The following FOXK1 variants were observed in gnomAD, a reference collection of about 807,000 sequenced individuals.
The protein encoded by FOXK1 is forkhead box K1, also known as forkhead box protein K1.
FOXK1 carries 19 observed loss-of-function variants against 51.9 expected under a neutral mutation model. The observed-to-expected ratio is 0.37, with a 90% CI of 0.26 to 0.54. FOXK1 has a LOEUF of 0.54. FOXK1 is among the 20% of genes least tolerant of loss of function. The pLI is 0.87. For synonymous variants in FOXK1, 537 were observed against 482.6 expected, an observed-to-expected ratio of 1.11 and a Z score of -1.48; for missense variants, 870 against 1,032.7, an observed-to-expected ratio of 0.84 and a Z score of 2.16.
Position 4,761,348 on chromosome 7 carries a change from G to T in FOXK1, c.1921+60G>T. ...CAAGCTCTGTGGCTCCCAGTAGTCA[G>T]TGCGGCATGAGAATGTTCTCCCAGT... On this transcript the variant is annotated intron_variant, in intron 8 of 8. Coordinates refer to ENST00000328914, the MANE Select transcript of FOXK1 (RefSeq NM_001037165.2). This position sits in a 1 kb window ranked among gnomAD's most constrained non-coding sequence, Gnocchi z 6.2. 1 of 1,499,842 alleles carries T rather than the reference G, an allele frequency of 6.7e-7. No individual in the cohort carries two copies. The highest frequency in any genetic ancestry group is 9.1e-7 in the Non-Finnish European group (1 of 1,099,840). The allele number at this position is 1,499,842 out of a possible 1,614,324, so 92.9% of individuals were successfully genotyped here. A position where few individuals can be genotyped will look rare whatever the true frequency, so the allele number is the denominator to read the frequency against.
rs1285738599 is a variant in FOXK1, at chr7:4,762,684, AT to A, written c.*222del. On this transcript the variant is annotated 3_prime_UTR_variant, in exon 9 of 9. Coordinates refer to ENST00000328914, the MANE Select transcript of FOXK1 (RefSeq NM_001037165.2). The surrounding 1 kb of genome is among the most constrained non-coding windows in gnomAD (Gnocchi z 5.7). The stretch of plus-strand genomic sequence containing the variant: ...ACAAGTTCAGACAACTGATTGTATG[AT>A]TCTGGGAATTCTTTGCTTTCCTTTC... 2.7e-5 allele frequency: 15 copies of A among 565,368 alleles called. No individual in the cohort carries two copies. The highest frequency in any genetic ancestry group is 4.7e-5 in the Non-Finnish European group (15 of 317,260). 35.0% of individuals were successfully genotyped at this position (565,368 alleles called of 1,614,324 possible). A position where few individuals can be genotyped will look rare whatever the true frequency, so the allele number is the denominator to read the frequency against.
intron 1 of FOXK1, among the ~76,000 whole-genome samples, chr7:4,719,445 G>C (rs1780281117): frequency 6.6e-6 from 1 of 151,396 alleles, no homozygotes; most frequent in Admixed American, 6.6e-5. Flanking sequence ...TAGGGAGTAG[G>C]TAGCTGTCTT....
Position 4,762,297 on chromosome 7 carries a change from A to G in FOXK1, c.2035A>G (p.Thr679Ala). 1 of 1,550,242 alleles carries G rather than the reference A, an allele frequency of 6.5e-7. No homozygotes were observed. The highest frequency in any genetic ancestry group is 8.7e-7 in the Non-Finnish European group (1 of 1,146,782). ...GGAGCCAGCAGCAGCCGTCGCGGCC[A>G]CGGCCACCACCACCCCAGCCACTGC... is the stretch of plus-strand genomic sequence containing the variant. ...PKEPAAAVAA[T>A]ATTTPATATT... is the part of the protein sequence containing the mutation. Residue 679 changes from threonine (T) to alanine (A), a missense_variant, in exon 9 of 9, where the codon ACG (threonine) becomes GCG (alanine). Thr to Ala is a moderately conservative substitution (Grantham distance 58, BLOSUM62 0). This residue lies in a region of FOXK1 where 457 missense variants were observed against 510.8 expected (regional missense o/e 0.89). Coordinates refer to ENST00000328914, the MANE Select transcript of FOXK1 (RefSeq NM_001037165.2). This position sits in a 1 kb window ranked among gnomAD's most constrained non-coding sequence, Gnocchi z 5.7.
rs931931012 is a variant in FOXK1 at position 4,758,158 on chromosome 7, T to C, written c.1245-893T>C. 5.9e-5 allele frequency: 9 copies of C among 152,242 alleles called. No individual in the cohort carries two copies. Among genetic ancestry groups the C allele is most frequent in the African/African-American group, 2.2e-4 (9 of 41,452 alleles). The allele number at this position is 152,242 out of a possible 1,614,324, so 9.4% of individuals were successfully genotyped here. A position where few individuals can be genotyped will look rare whatever the true frequency, so the allele number is the denominator to read the frequency against. ...AGAGCCCAATCTTCGAAGGGACAGA[T>C]GAGGGGTATGACCTGGGGAGCCCAC... On this transcript the variant is annotated intron_variant, in intron 5 of 8. Coordinates refer to ENST00000328914, the MANE Select transcript of FOXK1 (RefSeq NM_001037165.2). This position sits in a 1 kb window ranked among gnomAD's most constrained non-coding sequence, Gnocchi z 4.4.
At position 4,762,521 on chromosome 7, in the gene FOXK1, C is replaced by T. The variant is rs546492376; in HGVS notation, c.*57C>T. The T allele has an allele frequency of 1.5e-4, 225 of 1,487,350 alleles. No homozygotes were observed. In the African/African-American group the frequency reaches 2.7e-3, roughly 18 times the overall value. The allele number at this position is 1,487,350 out of a possible 1,614,324, so 92.1% of individuals were successfully genotyped here. A position where few individuals can be genotyped will look rare whatever the true frequency, so the allele number is the denominator to read the frequency against. ...CCCAGCGGCGACCCCGAAGCTGGAC[C>T]CGGCAGCTCAGGCGGCCGCACCCAC... On this transcript the variant is annotated 3_prime_UTR_variant, in exon 9 of 9. Coordinates refer to ENST00000328914, the MANE Select transcript of FOXK1 (RefSeq NM_001037165.2). The surrounding 1 kb of genome is among the most constrained non-coding windows in gnomAD (Gnocchi z 5.7).
At chr7:4,692,623 A>G (rs113418869) in intron 1 of FOXK1, among the ~76,000 whole-genome samples, 8,154 of 152,122 alleles carry the variant, frequency 0.054, 720 homozygotes, top group African/African-American at 0.18. Context: ...TCGAACTCCT[A>G]ACCTCAGGTC....
chr7:4,756,168 G>A lies in FOXK1; in HGVS notation c.1050+785G>A, dbSNP rs574106026. Among the ~76,000 whole-genome samples, 79 of 152,280 alleles carry A rather than the reference G, an allele frequency of 5.2e-4. No homozygotes were observed. The highest frequency in any genetic ancestry group is 1.8e-3 in the African/African-American group (76 of 41,564). ...CTCGCTCTGCCATCCCGGCTGGAGTGTGGTGGCGCGATCTCAGCTCACTGC... is the reference window on the plus strand; with the variant it reads ...CTCGCTCTGCCATCCCGGCTGGAGTATGGTGGCGCGATCTCAGCTCACTGC... On this transcript the variant is annotated intron_variant, in intron 4 of 8. Transcript: ENST00000328914. This position sits in a 1 kb window ranked among gnomAD's most constrained non-coding sequence, Gnocchi z 4.1.
At chr7:4,716,307 C>G (rs1298844193) in intron 1 of FOXK1, among the ~76,000 whole-genome samples, 1 of 151,764 alleles carries the variant, frequency 6.6e-6, no homozygotes, top group Non-Finnish European at 1.5e-5. Context: ...CAAGACCAGC[C>G]TGGGTAACAT....
In FOXK1 at chr7:4,736,420, T is replaced by TG. The variant is rs375696044; in HGVS notation, c.561-4418_561-4417insG. On this transcript the variant is annotated intron_variant, in intron 1 of 8. Coordinates refer to ENST00000328914, the MANE Select transcript of FOXK1 (RefSeq NM_001037165.2). ...ATCATCTAGAATCAGTTTTGTTTTT[T>TG]TTTTTTTTTTAAGACAGAGTTTTGC... Among the ~76,000 whole-genome samples the TG allele has an allele frequency of 2.9e-3, 447 of 152,050 alleles. 3 individuals are homozygous for TG. Among genetic ancestry groups the TG allele is most frequent in the African/African-American group, 0.01 (432 of 41,500 alleles).
chr7:4,752,265 C>A (rs140221989), intron 2 of FOXK1, among the ~76,000 whole-genome samples: 8,310 of 152,310 alleles, frequency 0.055, 694 homozygotes, highest in African/African-American at 0.18. Flanking sequence ...CTGCCTCAGC[C>A]TCCTGAGTAG....
Position 4,755,251 on chromosome 7 carries a change from G to A in FOXK1, c.918G>A (p.Pro306=), listed in dbSNP as rs769739198. ...GGDSPKDESK[P]PFSYAQLIVQ... is the part of the protein sequence containing the mutation. ...TTTCTCCGCAGGATGAGTCAAAGCC[G>A]CCGTTCTCCTACGCGCAGCTGATCG... is the stretch of plus-strand genomic sequence containing the variant. The change falls in exon 4 of 9, where the codon CCG becomes CCA. Residue 306 remains proline, a synonymous_variant. Coordinates refer to ENST00000328914, the MANE Select transcript of FOXK1 (RefSeq NM_001037165.2). This position sits in a 1 kb window ranked among gnomAD's most constrained non-coding sequence, Gnocchi z 6.6. 43 of 1,613,790 alleles carry A rather than the reference G, an allele frequency of 2.7e-5. No individual in the cohort carries two copies. The highest frequency in any genetic ancestry group is 1.6e-4 in the African/African-American group (12 of 74,916).
chr7:4,714,604 G>A (rs1780211977), intron 1 of FOXK1, among the ~76,000 whole-genome samples: 1 of 152,216 alleles, frequency 6.6e-6, no homozygotes, highest in Non-Finnish European at 1.5e-5. Context: ...AAAAGTTTAG[G>A]TTTAAAGACA....
At chr7:4,704,614 C>T (rs574619068) in intron 1 of FOXK1, among the ~76,000 whole-genome samples, 26 of 152,044 alleles carry the variant, frequency 1.7e-4, no homozygotes, top group Non-Finnish European at 3.1e-4. Flanking sequence ...CTGGGATCCA[C>T]GCAGCACGCA....
chr7:4,719,893 G>T (rs191048052), intron 1 of FOXK1, among the ~76,000 whole-genome samples: 8 of 152,230 alleles, frequency 5.3e-5, no homozygotes, highest in African/African-American at 1.9e-4. Context: ...TTTTTATACT[G>T]AATTTTGAGT....
intron 2 of FOXK1, among the ~76,000 whole-genome samples, chr7:4,742,971 C>A (rs1432341245): frequency 6.6e-6 from 1 of 152,142 alleles, no homozygotes; most frequent in Non-Finnish European, 1.5e-5. Flanking sequence ...AAGGAGAGGC[C>A]CCGGGCTCAG....
intron 2 of FOXK1, among the ~76,000 whole-genome samples, chr7:4,746,150 C>T (rs1780699652): frequency 6.6e-6 from 1 of 152,172 alleles, no homozygotes; most frequent in Non-Finnish European, 1.5e-5. Flanking sequence ...GTAACTCGTA[C>T]AATTCGGCGA....
At chr7:4,689,347 T>A (rs1417094801) in intron 1 of FOXK1, among the ~76,000 whole-genome samples, 2 of 152,224 alleles carry the variant, frequency 1.3e-5, no homozygotes, top group Non-Finnish European at 2.9e-5. Context: ...ATGCTCCATC[T>A]GCTGAGAGGC....
intron 1 of FOXK1, among the ~76,000 whole-genome samples, chr7:4,716,358 C>T (rs1211703804): frequency 6.6e-6 from 1 of 151,992 alleles, no homozygotes; most frequent in South Asian, 2.1e-4. Flanking sequence ...TTGTTGTGGT[C>T]AGCTGGATGT....
intron 1 of FOXK1, among the ~76,000 whole-genome samples, chr7:4,696,974 A>G (rs1779961309): frequency 6.6e-6 from 1 of 152,240 alleles, no homozygotes; most frequent in African/African-American, 2.4e-5. Flanking sequence ...AGACAGAGGC[A>G]GGAGAATCCC....
Sources: gnomAD v4.1 joint callset for allele counts (sites outside exome capture counted in the v4.1 genomes callset) on GRCh38, gnomAD v4.1.1 for gene constraint, gnomAD v4.1.1 regional missense constraint, Gnocchi (gnomAD v3.1) non-coding constraint, MANE v1.5 for transcripts, NCBI Gene and HGNC (gene_info 2026-07-23, HGNC 2026-07-21) for gene names.